The following GRID2 variants were observed in gnomAD, a reference collection of about 807,000 sequenced individuals.
GRID2 encodes the protein glutamate ionotropic receptor delta type subunit 2, also known as glutamate receptor ionotropic, delta-2.
A neutral mutation model predicts 114.8 loss-of-function variants in GRID2; 33 were observed. The ratio of observed to expected loss-of-function variants is 0.29; its 90% CI spans 0.22 to 0.38. The LOEUF is 0.38. Among genes scored for constraint, GRID2 ranks in the 10% least tolerant of loss-of-function variants. The probability of loss-of-function intolerance (pLI) is 1.00; values close to 1 mark genes in which losing one functional copy is unlikely to be tolerated. For synonymous variants in GRID2, 505 were observed against 449.9 expected (o/e 1.12, Z -1.55); for missense variants, 1,184 against 1,257.7 (o/e 0.94, Z 0.89).
intron 14 of GRID2, among the ~76,000 whole-genome samples, chr4:93,757,999 C>T (rs777330839): frequency 6.6e-6 from 1 of 151,956 alleles, no homozygotes; most frequent in Non-Finnish European, 1.5e-5. Flanking sequence ...AACCTCATAG[C>T]GTATTTGGAT....
intron 8 of GRID2, among the ~76,000 whole-genome samples, chr4:93,239,819 T>C (rs1023212092): frequency 4.0e-5 from 6 of 151,660 alleles, no homozygotes; most frequent in Non-Finnish European, 8.9e-5. Context: ...TTAATTTATT[T>C]GCATTTAAAA....
intron 2 of GRID2, among the ~76,000 whole-genome samples, chr4:92,776,300 C>T (rs1256736339): frequency 6.6e-6 from 1 of 152,102 alleles, no homozygotes; most frequent in African/African-American, 2.4e-5. Context: ...CAGGGCAAAT[C>T]TTGGGTCCCA....
chr4:93,672,398 C>T (rs951052944), intron 14 of GRID2, among the ~76,000 whole-genome samples: 7 of 152,244 alleles, frequency 4.6e-5, no homozygotes, highest in African/African-American at 1.7e-4. Flanking sequence ...CAAGAACCCC[C>T]ATGGGCAGAA....
At chr4:92,938,748 T>C (rs539674110) in intron 2 of GRID2, among the ~76,000 whole-genome samples, 1 of 139,260 alleles carries the variant, frequency 7.2e-6, no homozygotes, top group East Asian at 2.4e-4. Context: ...CAGAGTGTGA[T>C]GTTCCCCTTC....
chr4:93,579,419 T>G (rs1736750406), intron 13 of GRID2, among the ~76,000 whole-genome samples: 1 of 152,036 alleles, frequency 6.6e-6, no homozygotes, highest in Non-Finnish European at 1.5e-5. Context: ...TTAGGTGATC[T>G]GCGGTCATTT....
At chr4:92,313,079 ATATGTG>A (rs1295662118) in intron 1 of GRID2, among the ~76,000 whole-genome samples, 15 of 105,364 alleles carry the variant, frequency 1.4e-4, no homozygotes, top group African/African-American at 2.0e-4. Context: ...AGAAACTCTG[ATATGTG>A]TGTGTGTGTG....
At chr4:93,316,316 GAA>G (rs1560490660) in intron 8 of GRID2, among the ~76,000 whole-genome samples, 1 of 137,964 alleles carries the variant, frequency 7.2e-6, no homozygotes, top group African/African-American at 2.9e-5. Flanking sequence ...AAGAAAGAAA[GAA>G]AGAAAGAAAG....
intron 1 of GRID2, among the ~76,000 whole-genome samples, chr4:92,501,543 C>G (rs888946729): frequency 6.6e-6 from 1 of 152,228 alleles, no homozygotes; most frequent in Non-Finnish European, 1.5e-5. Context: ...AAGCACAATG[C>G]CACAGCACCA....
chr4:92,503,261 T>G (rs569124552), intron 1 of GRID2, among the ~76,000 whole-genome samples: 1 of 152,194 alleles, frequency 6.6e-6, no homozygotes, highest in African/African-American at 2.4e-5. Flanking sequence ...ATTTCAGAGA[T>G]TGTAATATTA....
Position 92,429,957 on chromosome 4 carries a change from A to AT in GRID2, c.88+125219dup, listed in dbSNP as rs932853554. Among the ~76,000 whole-genome samples the AT allele has an allele frequency of 2.8e-4, 42 of 151,880 alleles. 1 individual carries two copies. Among genetic ancestry groups the AT allele is most frequent in the African/African-American group, 8.7e-4 (36 of 41,426 alleles). On this transcript the variant is annotated intron_variant, in intron 1 of 15. Transcript: ENST00000282020. The stretch of plus-strand genomic sequence containing the variant: ...CTAGTTTTTTAAATCAGATTATTAG[A>AT]TTTTTTCCTATAGAGTTGTCTGAAC...
chr4:93,161,487 G>A (rs969270401), intron 4 of GRID2, among the ~76,000 whole-genome samples: 2 of 151,688 alleles, frequency 1.3e-5, no homozygotes, highest in African/African-American at 4.8e-5. Context: ...CCTTTTTAAT[G>A]CCTTATTTTC....
chr4:92,485,554 G>A (rs1722843419), intron 1 of GRID2, among the ~76,000 whole-genome samples: 1 of 151,124 alleles, frequency 6.6e-6, no homozygotes, highest in African/African-American at 2.4e-5. Flanking sequence ...GCCAGGCATG[G>A]TGTCACGTGC....
At chr4:92,679,628 C>A (rs1425659167) in intron 2 of GRID2, among the ~76,000 whole-genome samples, 2 of 152,002 alleles carry the variant, frequency 1.3e-5, no homozygotes, top group Non-Finnish European at 2.9e-5. Context: ...ATACATCTTT[C>A]ACAACTGAAC....
Position 93,069,193 on chromosome 4 carries a change from G to T in GRID2, c.245-15802G>T, listed in dbSNP as rs527520663. Among the ~76,000 whole-genome samples, 3 of 151,556 alleles carry T rather than the reference G, an allele frequency of 2.0e-5. No homozygotes were observed. In the East Asian group the frequency reaches 5.8e-4, roughly 29 times the overall value. On this transcript the variant is annotated intron_variant, in intron 2 of 15. Transcript: ENST00000282020. Reference sequence around the variant, plus strand: ...GAGATTACATTTCAACATTAGTTTTGGGTGGGGACAACATCCAAACTATAT... The same window carrying T: ...GAGATTACATTTCAACATTAGTTTTTGGTGGGGACAACATCCAAACTATAT...
At chr4:92,703,683 T>G (rs1321600806) in intron 2 of GRID2, among the ~76,000 whole-genome samples, 1 of 150,332 alleles carries the variant, frequency 6.7e-6, no homozygotes, top group Non-Finnish European at 1.5e-5. Context: ...GTATGTAAAT[T>G]ACTTTGTATA....
At chr4:92,481,649 G>C (rs1173343486) in intron 1 of GRID2, among the ~76,000 whole-genome samples, 1 of 151,962 alleles carries the variant, frequency 6.6e-6, no homozygotes, top group African/African-American at 2.4e-5. Context: ...GATGCCTCCA[G>C]CTTCATTCTT....
intron 14 of GRID2, among the ~76,000 whole-genome samples, chr4:93,678,942 G>A (rs749694169): frequency 1.3e-5 from 2 of 150,732 alleles, no homozygotes. Flanking sequence ...AACTTTAAAT[G>A]TAAACGGACT....
chr4:92,699,883 A>G (rs1406439660), intron 2 of GRID2, among the ~76,000 whole-genome samples: 3 of 152,194 alleles, frequency 2.0e-5, no homozygotes, highest in Non-Finnish European at 4.4e-5. Flanking sequence ...GATTTACAAA[A>G]ATCTGTGTTA....
At chr4:93,017,806 G>GAAAAAAAAAA (rs796967580) in intron 2 of GRID2, among the ~76,000 whole-genome samples, 2 of 49,006 alleles carry the variant, frequency 4.1e-5, no homozygotes, top group Admixed American at 2.4e-4. Context: ...TCCTTTTCAA[G>GAAAAAAAAAA]AAAAAAAAAA....
Sources: allele counts gnomAD v4.1 joint callset (sites outside exome capture counted in the v4.1 genomes callset), GRCh38; gene constraint gnomAD v4.1.1; transcripts MANE v1.5; gene names NCBI Gene and HGNC (gene_info 2026-07-23, HGNC 2026-07-21).